HLF: variants seen among roughly 807,000 people sequenced by gnomAD.
HLF encodes hepatic leukemia factor.
A neutral mutation model predicts 22.6 loss-of-function variants in HLF; 3 were observed. That is an observed-to-expected ratio of 0.13 (90% CI 0.06 to 0.34). The LOEUF (loss-of-function observed/expected upper bound fraction) is 0.34. HLF is among the 10% of genes least tolerant of loss of function. The pLI is 1.00. For missense variants in HLF, 299 were observed against 389.2 expected, an observed-to-expected ratio of 0.77 and a Z score of 1.95; for synonymous variants, 151 against 151.8, an observed-to-expected ratio of 0.99 and a Z score of 0.04.
chr17:55,286,863 T>C (rs2081008520), intron 2 of HLF, among the ~76,000 whole-genome samples: 1 of 152,222 alleles, frequency 6.6e-6, no homozygotes, highest in Admixed American at 6.5e-5. Context: ...TGCTTCTTCC[T>C]TCCATGATGG....
Position 55,320,946 on chromosome 17 carries a change from C to A in HLF, c.*67C>A. 8.0e-7 allele frequency: 1 copy of A among 1,246,368 alleles called. No homozygotes were observed. The highest frequency in any genetic ancestry group is 1.1e-6 in the Non-Finnish European group (1 of 876,822). 77.2% of individuals were successfully genotyped at this position (1,246,368 alleles called of 1,614,324 possible). A position where few individuals can be genotyped will look rare whatever the true frequency, so the allele number is the denominator to read the frequency against. Reference sequence around the variant, plus strand: ...TTGTTTCCTGTCTGATAGCACCACACGCAAACCAACCTTTCTGACATCAGC... The same window carrying A: ...TTGTTTCCTGTCTGATAGCACCACAAGCAAACCAACCTTTCTGACATCAGC... On this transcript the variant is annotated 3_prime_UTR_variant, in exon 4 of 4. Transcript: ENST00000226067. The surrounding 1 kb of genome is among the most constrained non-coding windows in gnomAD (Gnocchi z 4.2).
chr17:55,284,839 C>T (rs907874628), intron 2 of HLF, among the ~76,000 whole-genome samples: 13 of 152,122 alleles, frequency 8.5e-5, no homozygotes, highest in South Asian at 2.1e-4. Context: ...TTTGAAAGTC[C>T]GGAGATTAAG....
At chr17:55,294,923 CATA>C (rs1377299476) in intron 2 of HLF, among the ~76,000 whole-genome samples, 6 of 152,164 alleles carry the variant, frequency 3.9e-5, no homozygotes, top group Non-Finnish European at 7.3e-5. Context: ...GATTTAATAA[CATA>C]ATAAAAATTT....
chr17:55,291,770 C>T (rs1225717043), intron 2 of HLF, among the ~76,000 whole-genome samples: 1 of 152,132 alleles, frequency 6.6e-6, no homozygotes, highest in East Asian at 1.9e-4. Flanking sequence ...AATCAAAAGC[C>T]TTCTGAAAGG....
At chr17:55,287,388 CAT>C (rs10562071) in intron 2 of HLF, among the ~76,000 whole-genome samples, 36,825 of 152,084 alleles carry the variant, frequency 0.24, 4,672 homozygotes, top group African/African-American at 0.3. Context: ...CTGCATTACT[CAT>C]GTGTAGATTA....
intron 2 of HLF, among the ~76,000 whole-genome samples, chr17:55,288,712 C>A (rs928316570): frequency 6.6e-6 from 1 of 150,520 alleles, no homozygotes; most frequent in Non-Finnish European, 1.5e-5. Flanking sequence ...GCTGAGATTG[C>A]GCCACTGTAC....
intron 2 of HLF, among the ~76,000 whole-genome samples, chr17:55,274,880 G>A (rs560806677): frequency 1.3e-5 from 2 of 152,348 alleles, no homozygotes; most frequent in African/African-American, 2.4e-5. Context: ...AGGACCAAGC[G>A]TGGGGCTCAG....
chr17:55,288,229 C>T (rs546726815), intron 2 of HLF, among the ~76,000 whole-genome samples: 1 of 152,014 alleles, frequency 6.6e-6, no homozygotes, highest in East Asian at 2.0e-4. Flanking sequence ...CTCATGGTAA[C>T]CTCTGCCTCC....
intron 2 of HLF, among the ~76,000 whole-genome samples, chr17:55,292,572 T>A (rs1441836262): frequency 6.6e-6 from 1 of 152,218 alleles, no homozygotes; most frequent in Non-Finnish European, 1.5e-5. Context: ...TGATGTGACT[T>A]GCTTTATTGG....
intron 2 of HLF, among the ~76,000 whole-genome samples, chr17:55,274,373 G>A (rs995180046): frequency 1.3e-4 from 20 of 152,100 alleles, no homozygotes; most frequent in African/African-American, 4.8e-4. Context: ...TTCTGTAATG[G>A]GTGTGGGTGA....
At chr17:55,271,918 C>A (rs2080862589) in intron 2 of HLF, 1 of 152,202 alleles carries the variant, frequency 6.6e-6, no homozygotes, top group Non-Finnish European at 1.5e-5. Context: ...CTCTAACTGT[C>A]TGATCAAAGA....
rs1023537410 is a variant in HLF, at chr17:55,320,310, G to C, written c.673-354G>C. Among the ~76,000 whole-genome samples the C allele has an allele frequency of 6.6e-6, 1 of 152,200 alleles. No homozygotes were observed. Among genetic ancestry groups the C allele is most frequent in the Non-Finnish European group, 1.5e-5 (1 of 68,042 alleles). ...GCATATGAGTGCCCTTGAAGGAAAA[G>C]GGTTCTTAAAATGTTGAGCAGGGAG... is the stretch of plus-strand genomic sequence containing the variant. On this transcript the variant is annotated intron_variant, in intron 3 of 3. Coordinates refer to ENST00000226067, the MANE Select transcript of HLF (RefSeq NM_002126.5). This position sits in a 1 kb window ranked among gnomAD's most constrained non-coding sequence, Gnocchi z 4.2.
chr17:55,276,701 T>C (rs1041360633), intron 2 of HLF, among the ~76,000 whole-genome samples: 1 of 152,040 alleles, frequency 6.6e-6, no homozygotes, highest in Non-Finnish European at 1.5e-5. Context: ...GTCAGAGAGG[T>C]TGGTGCCAGT....
At chr17:55,301,819 A>G in intron 2 of HLF, among the ~76,000 whole-genome samples, 1 of 152,246 alleles carries the variant, frequency 6.6e-6, no homozygotes, top group South Asian at 2.1e-4. Context: ...GGCAGAGACC[A>G]GTTAGGAAGA....
In HLF at chr17:55,265,410, C is replaced by A; in HGVS notation, c.-75C>A. 1 of 878,596 alleles carries A rather than the reference C, an allele frequency of 1.1e-6. No homozygotes were observed. The highest frequency in any genetic ancestry group is 1.4e-5 in the South Asian group (1 of 69,574). The allele number at this position is 878,596 out of a possible 1,614,324, so 54.4% of individuals were successfully genotyped here. On this transcript the variant is annotated 5_prime_UTR_variant, in exon 1 of 4. Coordinates refer to ENST00000226067, the MANE Select transcript of HLF (RefSeq NM_002126.5). ...CTTTTGGCAAAGGACGGAGGAAAAG[C>A]TCAGCAACATTTTAGGGGGCGGTTG...
At chr17:55,283,189 G>T (rs2080969608) in intron 2 of HLF, among the ~76,000 whole-genome samples, 1 of 152,142 alleles carries the variant, frequency 6.6e-6, no homozygotes, top group Non-Finnish European at 1.5e-5. Context: ...TCTTTTGATG[G>T]CAACTTTTCT....
intron 2 of HLF, among the ~76,000 whole-genome samples, chr17:55,302,944 T>C (rs1904367033): frequency 1.3e-5 from 2 of 152,204 alleles, no homozygotes; most frequent in Admixed American, 1.3e-4. Context: ...ATAGTTAAAA[T>C]GGGCCCATTT....
At position 55,267,989 on chromosome 17, in the gene HLF, G is replaced by A. The variant is rs376843983; in HGVS notation, c.354G>A (p.Ser118=). The A allele has an allele frequency of 1.1e-5, 18 of 1,613,772 alleles. No homozygotes were observed. The highest frequency in any genetic ancestry group is 2.2e-5 in the East Asian group (1 of 44,862). Residue 118 remains serine (S), a synonymous_variant, in exon 2 of 4, where the codon TCG becomes TCA. Transcript: ENST00000226067. The part of the protein sequence containing the change: ...PHPPGLQPAS[S]AAPSVMDLSS... ...CTCCTGGGCTGCAGCCAGCTTCCTC[G>A]GCTGCCCCCTCGGTCATGGACCTCA...
chr17:55,289,180 G>A (rs1387373655), intron 2 of HLF, among the ~76,000 whole-genome samples: 2 of 152,176 alleles, frequency 1.3e-5, no homozygotes, highest in Non-Finnish European at 2.9e-5. Flanking sequence ...CCCCATGCCA[G>A]CCAGTGATAA....
Sources: gnomAD v4.1 joint callset for allele counts (sites outside exome capture counted in the v4.1 genomes callset) on GRCh38, gnomAD v4.1.1 for gene constraint, Gnocchi (gnomAD v3.1) non-coding constraint, MANE v1.5 for transcripts, NCBI Gene and HGNC (gene_info 2026-07-23, HGNC 2026-07-21) for gene names.